The following ARPP19 variants were observed in gnomAD, a reference collection of about 807,000 sequenced individuals.
ARPP19 encodes the protein cAMP-regulated phosphoprotein 19.
In ARPP19, 8 loss-of-function variants were observed where a neutral mutation model predicts 12.0. The ratio of observed to expected loss-of-function variants is 0.67; its 90% confidence interval spans 0.39 to 1.21. ARPP19 has a LOEUF of 1.21. Ranked by LOEUF, ARPP19 falls within the 50% of genes most tolerant of loss-of-function variation. The pLI is 0.01. For missense variants in ARPP19, 102 were observed against 136.3 expected (o/e 0.75, Z 1.25); for synonymous variants, 47 against 50.4 (o/e 0.93, Z 0.29).
At chr15:52,560,815 C>G (rs537980991) in intron 1 of ARPP19, among the ~76,000 whole-genome samples, 1 of 152,226 alleles carries the variant, frequency 6.6e-6, no homozygotes, top group Non-Finnish European at 1.5e-5. Context: ...CCACCAACAG[C>G]AGACAGCAGT....
chr15:52,561,934 CTTTTTTTTTTTTT>C (rs11340086), intron 1 of ARPP19, among the ~76,000 whole-genome samples: 1 of 126,980 alleles, frequency 7.9e-6, no homozygotes, highest in South Asian at 2.6e-4. Flanking sequence ...AGTGCACCTA[CTTTTTTTTTTTTT>C]TTTTTTTTTA....
chr15:52,560,392 G>A (rs1157248035), intron 1 of ARPP19, among the ~76,000 whole-genome samples: 1 of 152,170 alleles, frequency 6.6e-6, no homozygotes, highest in African/African-American at 2.4e-5. Context: ...GCATCTATGA[G>A]CTGCAAATGT....
At chr15:52,565,038 C>CTTTT (rs543075410) in intron 1 of ARPP19, among the ~76,000 whole-genome samples, 1 of 137,198 alleles carries the variant, frequency 7.3e-6, no homozygotes, top group East Asian at 2.1e-4. Context: ...AAATTACCAT[C>CTTTT]TTTTTTTTTT....
intron 2 of ARPP19, among the ~76,000 whole-genome samples, chr15:52,555,105 T>C (rs748527963): frequency 2.0e-5 from 3 of 152,080 alleles, no homozygotes; most frequent in Non-Finnish European, 4.4e-5. Context: ...CATTCTGTTA[T>C]AATACAGAAT....
chr15:52,550,328 A>G lies in ARPP19; in HGVS notation c.*1606T>C, dbSNP rs1265487773. The G allele has an allele frequency of 6.6e-6, 1 of 152,242 alleles. No individual in the cohort carries two copies. The highest frequency in any genetic ancestry group is 1.5e-5 in the Non-Finnish European group (1 of 68,044). The allele number at this position is 152,242 out of a possible 1,614,324, so 9.4% of individuals were successfully genotyped here. On this transcript the variant is annotated 3_prime_UTR_variant, in exon 3 of 3. Coordinates refer to ENST00000249822, the MANE Select transcript of ARPP19 (RefSeq NM_006628.6). Reference sequence around the variant, plus strand: ...AGAAGCAAACATCTAAACATTTTTAATAGGAGTTTTACCTGTCATGTAAAT... The same window carrying G: ...AGAAGCAAACATCTAAACATTTTTAGTAGGAGTTTTACCTGTCATGTAAAT...
rs901581100 is a variant in ARPP19, at chr15:52,547,716, G to C, written c.*4218C>G. 1 of 152,268 alleles carries C rather than the reference G, an allele frequency of 6.6e-6. No homozygotes were observed. Among genetic ancestry groups the C allele is most frequent in the Non-Finnish European group, 1.5e-5 (1 of 68,046 alleles). 9.4% of individuals were successfully genotyped at this position (152,268 alleles called of 1,614,324 possible). On this transcript the variant is annotated 3_prime_UTR_variant, in exon 3 of 3. Coordinates refer to ENST00000249822, the MANE Select transcript of ARPP19 (RefSeq NM_006628.6). ...GAATTGAGAGGAGACAGATATTGGG[G>C]AAGACTGGCAGTGTGTGCTGAGTTA...
chr15:52,569,420 T>A (rs1174696676), upstream of ARPP19, among the ~76,000 whole-genome samples: 1 of 152,196 alleles, frequency 6.6e-6, no homozygotes, highest in Non-Finnish European at 1.5e-5. Context: ...TGCCACGCCT[T>A]CACATCTCCA....
rs200974565 is a variant in ARPP19 at position 52,552,119 on chromosome 15, A to C, written c.169-15T>G. 2.6e-6 allele frequency: 4 copies of C among 1,531,388 alleles called. No homozygotes were observed. The highest frequency in any genetic ancestry group is 3.6e-6 in the Non-Finnish European group (4 of 1,106,230). The allele number at this position is 1,531,388 out of a possible 1,614,324, so 94.9% of individuals were successfully genotyped here. ...AAATATTTTTGCTATAAGTAAAAAC[A>C]AAAAAAATTCAGATTAGAGCTTAGC... On this transcript the variant is annotated splice_polypyrimidine_tract_variant and intron_variant, in intron 2 of 2. Transcript: ENST00000249822.
intron 1 of ARPP19, chr15:52,557,836 CA>C (rs1304368280): frequency 1.3e-5 from 2 of 152,024 alleles, no homozygotes; most frequent in Non-Finnish European, 2.9e-5. Flanking sequence ...CTCGACCTCC[CA>C]AAGTCATAGG....
At chr15:52,552,936 T>G (rs1014281177) in intron 2 of ARPP19, among the ~76,000 whole-genome samples, 2 of 151,876 alleles carry the variant, frequency 1.3e-5, no homozygotes, top group Non-Finnish European at 2.9e-5. Flanking sequence ...AATTAGTCGG[T>G]TGTGGTGGCA....
At chr15:52,564,066 C>A (rs779367167) in intron 1 of ARPP19, 1 of 638,498 alleles carries the variant, frequency 1.6e-6, no homozygotes. Context: ...GTAAACACAG[C>A]TTCTGGATTA....
At chr15:52,556,069 T>C (rs1335937890) in intron 2 of ARPP19, among the ~76,000 whole-genome samples, 2 of 152,072 alleles carry the variant, frequency 1.3e-5, no homozygotes, top group African/African-American at 4.8e-5. Flanking sequence ...TTGGTGTCAT[T>C]ATTCCATCAT....
Position 52,551,982 on chromosome 15 carries a change from G to A in ARPP19, c.291C>T (p.Asp97=), listed in dbSNP as rs1197250631. Residue 97 remains aspartate (D), a synonymous_variant, in exon 3 of 3, where the codon GAC becomes GAT. Transcript: ENST00000249822. ...VTGDHIPTPQ[D]LPQRKPSLVA... ...CAAGGGACGGCTTCCGTTGAGGAAG[G>A]TCTTGCGGAGTGGGAATGTGGTCAC... is the stretch of plus-strand genomic sequence containing the variant. 6.2e-7 allele frequency: 1 copy of A among 1,613,520 alleles called. No homozygotes were observed. Among genetic ancestry groups the A allele is most frequent in the South Asian group, 1.1e-5 (1 of 91,068 alleles).
rs2077933462 is a variant in ARPP19 at position 52,551,752 on chromosome 15, G to A, written c.*182C>T. On this transcript the variant is annotated 3_prime_UTR_variant, in exon 3 of 3. Transcript: ENST00000249822. ...GCTCTAACATGTCCTCTTCACCAGT[G>A]CACTGTTAAACTAATCAAAAACTCT... 3 of 574,168 alleles carry A rather than the reference G, an allele frequency of 5.2e-6. No individual in the cohort carries two copies. Among genetic ancestry groups the A allele is most frequent in the Non-Finnish European group, 9.3e-6 (3 of 324,118 alleles). 35.6% of individuals were successfully genotyped at this position (574,168 alleles called of 1,614,324 possible).
chr15:52,548,936 G>GT lies in ARPP19; in HGVS notation c.*2997dup, dbSNP rs1342033712. On this transcript the variant is annotated 3_prime_UTR_variant, in exon 3 of 3. Transcript: ENST00000249822. The stretch of plus-strand genomic sequence containing the variant: ...TTCACCAGGCTTTCCTTGATGAATA[G>GT]TTAAGACATATTTTTAGGTCATCAG... 1 of 152,636 alleles carries GT rather than the reference G, an allele frequency of 6.6e-6. No homozygotes were observed. The highest frequency in any genetic ancestry group is 1.5e-5 in the Non-Finnish European group (1 of 68,044). The allele number at this position is 152,636 out of a possible 1,614,324, so 9.5% of individuals were successfully genotyped here.
intron 1 of ARPP19, among the ~76,000 whole-genome samples, chr15:52,564,753 C>T (rs1235849012): frequency 1.3e-5 from 2 of 151,872 alleles, no homozygotes; most frequent in African/African-American, 2.4e-5. Context: ...ACAACACAAA[C>T]GAAAAAATAT....
intron 2 of ARPP19, among the ~76,000 whole-genome samples, chr15:52,553,858 G>C (rs1266800054): frequency 1.3e-5 from 2 of 152,194 alleles, no homozygotes; most frequent in Non-Finnish European, 2.9e-5. Flanking sequence ...ACCACTTTTT[G>C]ATAAGCCAGA....
chr15:52,557,504 A>T (rs1242891845), intron 1 of ARPP19: 2 of 305,566 alleles, frequency 6.5e-6, no homozygotes, highest in African/African-American at 4.4e-5. Context: ...TTACTTTTCC[A>T]GTCATGTATA....
At chr15:52,556,988 T>G (rs995968407) in intron 2 of ARPP19, 112 bp downstream of exon 2, 4 of 1,172,434 alleles carry the variant, frequency 3.4e-6, no homozygotes, top group South Asian at 3.0e-5. Context: ...TATACACATA[T>G]GTACATACCT....
Sources: allele counts gnomAD v4.1 joint callset (sites outside exome capture counted in the v4.1 genomes callset), GRCh38; gene constraint gnomAD v4.1.1; transcripts MANE v1.5; gene names NCBI Gene and HGNC (gene_info 2026-07-23, HGNC 2026-07-21).